The following BIRC6 variants were observed in gnomAD, a reference collection of about 807,000 sequenced individuals.
BIRC6 encodes the protein baculoviral IAP repeat containing 6.
BIRC6 carries 98 observed loss-of-function variants against 503.3 expected under a neutral mutation model. The ratio of observed to expected loss-of-function variants is 0.19; its 90% CI spans 0.17 to 0.23. The LOEUF (loss-of-function observed/expected upper bound fraction) is 0.23, where lower values mean the gene tolerates loss of function less well. Among genes scored for constraint, BIRC6 ranks in the 10% least tolerant of loss-of-function variants. BIRC6 has a pLI of 1.00. For synonymous variants in BIRC6, 2,240 were observed against 2,078.7 expected, an observed-to-expected ratio of 1.08 and a Z score of -2.11; for missense variants, 5,360 against 5,806.0, an observed-to-expected ratio of 0.92 and a Z score of 2.50.
chr2:32,357,571 C>G lies in BIRC6; in HGVS notation c.325+85C>G, dbSNP rs1389285839. On this transcript the variant is annotated intron_variant, in intron 1 of 73. Transcript: ENST00000421745. The surrounding 1 kb of genome is among the most constrained non-coding windows in gnomAD (Gnocchi z 4.9). ...GGCTCGGCCTCGCGACTCGGGGAAG[C>G]GAGATGGCGAGAGGGCAGGGCTGGG... 6.7e-7 allele frequency: 1 copy of G among 1,497,662 alleles called. No homozygotes were observed. The highest frequency in any genetic ancestry group is 8.9e-7 in the Non-Finnish European group (1 of 1,129,252). The allele number at this position is 1,497,662 out of a possible 1,614,324, so 92.8% of individuals were successfully genotyped here. A position where few individuals can be genotyped will look rare whatever the true frequency, so the allele number is the denominator to read the frequency against.
chr2:32,552,185 C>A (rs994813904), intron 65 of BIRC6, among the ~76,000 whole-genome samples: 1 of 152,060 alleles, frequency 6.6e-6, no homozygotes, highest in African/African-American at 2.4e-5. Context: ...TGTCCCACAC[C>A]CTTTTTGCCC....
intron 1 of BIRC6, among the ~76,000 whole-genome samples, chr2:32,359,908 G>A (rs980184586): frequency 3.9e-5 from 6 of 152,000 alleles, no homozygotes; most frequent in African/African-American, 1.5e-4. Context: ...AGGTTGTATA[G>A]GGTCCTATTT....
At chr2:32,503,655 C>T (rs1479773960) in intron 49 of BIRC6, among the ~76,000 whole-genome samples, 2 of 151,896 alleles carry the variant, frequency 1.3e-5, no homozygotes, top group African/African-American at 4.8e-5. Flanking sequence ...TGCCTGACCT[C>T]CAGTGATCCA....
Position 32,508,111 on chromosome 2 carries a change from G to A in BIRC6, c.9832G>A (p.Val3278Ile), listed in dbSNP as rs756668670. 3.7e-6 allele frequency: 6 copies of A among 1,613,850 alleles called. No homozygotes were observed. The highest frequency in any genetic ancestry group is 5.1e-6 in the Non-Finnish European group (6 of 1,179,880). Residue 3278 changes from valine to isoleucine, a missense_variant, in exon 51 of 74, where the codon GTC becomes ATC. Around this residue, in one of 16 missense-constraint regions of BIRC6, gnomAD observed 62 missense variants for 107.4 expected, o/e 0.58. Coordinates refer to ENST00000421745, the MANE Select transcript of BIRC6 (RefSeq NM_016252.4). ...QLVKAEVASAVCLRLHRPRDA... is the reference protein window; with the variant it reads ...QLVKAEVASAICLRLHRPRDA... ...TGTAAAAGCCGAAGTAGCTTCTGCT[G>A]TCTGCCTTAGACTACATCGTCCACG...
intron 3 of BIRC6, among the ~76,000 whole-genome samples, chr2:32,383,477 G>A (rs1016163523): frequency 2.6e-5 from 4 of 152,198 alleles, no homozygotes; most frequent in Admixed American, 6.5e-5. Context: ...GATTCTTTAC[G>A]TACATGAACG....
chr2:32,468,212 A>G (rs2148951389), intron 28 of BIRC6, 101 bp downstream of exon 28: 5 of 1,235,432 alleles, frequency 4.0e-6, no homozygotes, highest in South Asian at 1.5e-5. Context: ...AGGTGTACAG[A>G]TAAGAGAGCA....
rs780826703 is a variant in BIRC6, at chr2:32,499,759, G to A, written c.8681G>A (p.Gly2894Glu). The change falls in exon 46 of 74, where the codon GGG (glycine) becomes GAG (glutamate). Residue 2894 changes from glycine (G) to glutamate (E), a missense_variant. Gly to Glu is a moderately conservative substitution (Grantham distance 98). This residue lies in a region of BIRC6 where 2,299 missense variants were observed against 2,267.2 expected (regional missense o/e 1.01). Transcript: ENST00000421745. ...DSSVGARACF[G>E]GLFANLIRPG... is the part of the protein sequence containing the mutation. ...TCCGTGGGTGCTCGAGCATGCTTTG[G>A]GGGACTCTTTGCCAATCTTATTCGT... 1 of 1,613,972 alleles carries A rather than the reference G, an allele frequency of 6.2e-7. No homozygotes were observed. The highest frequency in any genetic ancestry group is 2.2e-5 in the East Asian group (1 of 44,884).
Position 32,464,618 on chromosome 2 carries a change from C to G in BIRC6, c.5051C>G (p.Pro1684Arg), listed in dbSNP as rs2048330587. Reference sequence around the variant, plus strand: ...GTGCCTTCCAACCCAGTGGCTGCCCCTGGATTCTTCATTCATCCATCTGAT... The same window carrying G: ...GTGCCTTCCAACCCAGTGGCTGCCCGTGGATTCTTCATTCATCCATCTGAT... ...NSVPSNPVAA[P>R]GFFIHPSDVI... The change falls in exon 25 of 74, where the codon CCT becomes CGT. Residue 1684 changes from proline to arginine, a missense_variant. This residue lies in a region of BIRC6 where 2,299 missense variants were observed against 2,267.2 expected (regional missense o/e 1.01). Transcript: ENST00000421745. The G allele has an allele frequency of 6.2e-7, 1 of 1,613,856 alleles. No individual in the cohort carries two copies. The highest frequency in any genetic ancestry group is 1.3e-5 in the African/African-American group (1 of 74,918).
chr2:32,543,355 G>A lies in BIRC6; in HGVS notation c.12406G>A (p.Val4136Ile), dbSNP rs2057817208. The A allele has an allele frequency of 1.2e-6, 2 of 1,613,888 alleles. No individual in the cohort carries two copies. Among genetic ancestry groups the A allele is most frequent in the Non-Finnish European group, 1.7e-6 (2 of 1,179,892 alleles). The change falls in exon 62 of 74, where the codon GTT (valine) becomes ATT (isoleucine). Residue 4136 changes from valine (V) to isoleucine (I), a missense_variant. By Grantham distance (29) the Val-to-Ile change is conservative. This residue lies in a region of BIRC6 where 477 missense variants were observed against 574.4 expected (regional missense o/e 0.83). Transcript: ENST00000421745. ...GTTAGTTTATGAAGCACCAGAAACT[G>A]TTGCGGCTGAACCTCCACCTATCAA... The part of the protein sequence containing the change: ...GELVYEAPET[V>I]AAEPPPIKSA...
At chr2:32,510,087 A>G (rs2054242993) in intron 52 of BIRC6, 93 bp downstream of exon 52, 4 of 1,397,602 alleles carry the variant, frequency 2.9e-6, no homozygotes, top group Non-Finnish European at 3.9e-6. Context: ...TGTTTTGGGA[A>G]TTATTTTTTC....
chr2:32,375,039 T>C (rs919611229), intron 1 of BIRC6, among the ~76,000 whole-genome samples: 10 of 152,244 alleles, frequency 6.6e-5, no homozygotes, highest in Non-Finnish European at 1.5e-4. Context: ...CAGCCTTTTA[T>C]ACTTTTCAGC....
chr2:32,609,365 T>G (rs948480002), intron 72 of BIRC6, among the ~76,000 whole-genome samples: 1 of 151,952 alleles, frequency 6.6e-6, no homozygotes, highest in Non-Finnish European at 1.5e-5. Flanking sequence ...AATAGAATTA[T>G]ACTTTTCACC....
chr2:32,369,427 G>T (rs2035451846), intron 1 of BIRC6, among the ~76,000 whole-genome samples: 2 of 150,240 alleles, frequency 1.3e-5, no homozygotes, highest in Admixed American at 1.3e-4. Context: ...AGTAGCAATT[G>T]ATTTTTTTTT....
chr2:32,435,432 T>G, intron 13 of BIRC6, 64 bp from the exon 14 acceptor site: 1 of 1,435,254 alleles, frequency 7.0e-7, no homozygotes, highest in Non-Finnish European at 9.2e-7. Context: ...AAATTAAGTT[T>G]ACTAATATTT....
chr2:32,609,022 T>A (rs915496255), intron 72 of BIRC6, among the ~76,000 whole-genome samples: 7 of 151,718 alleles, frequency 4.6e-5, no homozygotes, highest in Non-Finnish European at 7.4e-5. Context: ...TGGGACTGTG[T>A]GCGCATACCA....
chr2:32,538,919 AAATGAATGAATGAATG>A (rs139245193), intron 61 of BIRC6, among the ~76,000 whole-genome samples: 3 of 152,074 alleles, frequency 2.0e-5, no homozygotes, highest in African/African-American at 2.4e-5. Flanking sequence ...ATGATTGAAC[AAATGAATGAATGAATG>A]AATGAATGAA....
At position 32,481,470 on chromosome 2, in the gene BIRC6, T is replaced by C. The variant is rs148052620; in HGVS notation, c.7542+17T>C. 1.1e-5 allele frequency: 17 copies of C among 1,586,270 alleles called. No homozygotes were observed. Among genetic ancestry groups the C allele is most frequent in the Middle Eastern group, 1.7e-4 (1 of 5,966 alleles). On this transcript the variant is annotated intron_variant, in intron 38 of 73. Transcript: ENST00000421745. Reference sequence around the variant, plus strand: ...GTTTTTAAGGTATGATACATGAGAATAGTCTTTGAAAGGAGGCCGGGCGCA... The same window carrying C: ...GTTTTTAAGGTATGATACATGAGAACAGTCTTTGAAAGGAGGCCGGGCGCA...
chr2:32,370,293 C>T (rs112426142), intron 1 of BIRC6, among the ~76,000 whole-genome samples: 227 of 134,738 alleles, frequency 1.7e-3, no homozygotes, highest in Non-Finnish European at 2.9e-3. Context: ...CAAATGATGT[C>T]AGATACTAAA....
chr2:32,581,502 A>T (rs762269019), intron 66 of BIRC6, among the ~76,000 whole-genome samples: 1 of 152,104 alleles, frequency 6.6e-6, no homozygotes, highest in Non-Finnish European at 1.5e-5. Flanking sequence ...TTCTACTTAG[A>T]ATTTTTCTTC....
Sources: gnomAD v4.1 joint callset for allele counts (sites outside exome capture counted in the v4.1 genomes callset) on GRCh38, gnomAD v4.1.1 for gene constraint, gnomAD v4.1.1 regional missense constraint, Gnocchi (gnomAD v3.1) non-coding constraint, MANE v1.5 for transcripts, NCBI Gene and HGNC (gene_info 2026-07-23, HGNC 2026-07-21) for gene names.